RAB27A: variants seen among roughly 807,000 people sequenced by gnomAD.
RAB27A encodes the protein ras-related protein Rab-27A.
In RAB27A, 17 loss-of-function variants were observed where a neutral mutation model predicts 20.8. The observed-to-expected ratio is 0.82, with a 90% confidence interval of 0.56 to 1.23. The LOEUF is 1.23. Ranked by LOEUF, RAB27A falls within the 50% of genes most tolerant of loss-of-function variation. The pLI, the probability that RAB27A is intolerant of heterozygous loss-of-function variation, is 0.00. For synonymous variants in RAB27A, 85 were observed against 92.8 expected (o/e 0.92, Z 0.48); for missense variants, 277 against 266.7 (o/e 1.04, Z -0.27).
intron 2 of RAB27A, among the ~76,000 whole-genome samples, chr15:55,301,632 T>C (rs1242970648): frequency 6.9e-6 from 1 of 145,102 alleles, no homozygotes; most frequent in Non-Finnish European, 1.5e-5. Flanking sequence ...AACATTTTCA[T>C]CACCCTAAAA....
Position 55,223,928 on chromosome 15 carries a change from A to G in RAB27A, c.428T>C (p.Val143Ala), listed in dbSNP as rs2140958498. 2 of 1,613,854 alleles carry G rather than the reference A, an allele frequency of 1.2e-6. No homozygotes were observed. Among genetic ancestry groups the G allele is most frequent in the Middle Eastern group, 1.6e-4 (1 of 6,062 alleles). ...NKSDLEDQRV[V>A]KEEEAIALAE... The stretch of plus-strand genomic sequence containing the variant: ...GAGTGCTATGGCTTCCTCCTCTTTC[A>G]CTACTCTCTGGTCCTCCAGATCACT... The change falls in exon 6 of 7, where the codon GTG (valine) becomes GCG (alanine). Residue 143 changes from valine (V) to alanine (A), a missense_variant. Coordinates refer to ENST00000336787, the MANE Select transcript of RAB27A (RefSeq NM_183235.3).
At chr15:55,277,839 T>A (rs1303367318) in intron 1 of RAB27A, among the ~76,000 whole-genome samples, 2 of 152,196 alleles carry the variant, frequency 1.3e-5, no homozygotes, top group Non-Finnish European at 2.9e-5. Flanking sequence ...ACCATCCCAG[T>A]TTAGTGGGGA....
Position 55,205,309 on chromosome 15 carries a change from A to T in RAB27A, c.*198T>A. On this transcript the variant is annotated 3_prime_UTR_variant, in exon 7 of 7. Coordinates refer to ENST00000336787, the MANE Select transcript of RAB27A (RefSeq NM_183235.3). ...CTCTGAAATATTTCTCCTAACTCTC[A>T]GGCTGAATCTTAAAGAAATATTTAC... 1 of 637,510 alleles carries T rather than the reference A, an allele frequency of 1.6e-6. No homozygotes were observed. The highest frequency in any genetic ancestry group is 2.7e-6 in the Non-Finnish European group (1 of 364,532). 39.5% of individuals were successfully genotyped at this position (637,510 alleles called of 1,614,324 possible). A position where few individuals can be genotyped will look rare whatever the true frequency, so the allele number is the denominator to read the frequency against.
intron 2 of RAB27A, among the ~76,000 whole-genome samples, chr15:55,310,931 A>G (rs1296338024): frequency 6.6e-6 from 1 of 152,206 alleles, no homozygotes; most frequent in African/African-American, 2.4e-5. Flanking sequence ...CCTGTGTTAC[A>G]GTGGACATCA....
At chr15:55,292,464 G>A (rs1381725324), upstream of RAB27A, among the ~76,000 whole-genome samples, 2 of 152,212 alleles carry the variant, frequency 1.3e-5, no homozygotes, top group East Asian at 1.9e-4. Flanking sequence ...GGATAATAGC[G>A]ATCTGATTAC....
chr15:55,287,624 G>A (rs532738407), intron 1 of RAB27A, among the ~76,000 whole-genome samples: 12 of 152,124 alleles, frequency 7.9e-5, no homozygotes, highest in South Asian at 2.1e-4. Context: ...GCACATGCCC[G>A]TAATCCCAGC....
At chr15:55,220,053 T>G (rs917248943) in intron 6 of RAB27A, among the ~76,000 whole-genome samples, 2 of 152,180 alleles carry the variant, frequency 1.3e-5, no homozygotes, top group African/African-American at 4.8e-5. Flanking sequence ...AATTTGCCCT[T>G]TACATTTTTG....
chr15:55,304,907 A>G (rs1371200782), intron 2 of RAB27A, among the ~76,000 whole-genome samples: 1 of 152,128 alleles, frequency 6.6e-6, no homozygotes, highest in African/African-American at 2.4e-5. Flanking sequence ...TCATAGAGTG[A>G]AAACGGAGCT....
chr15:55,240,664 T>C (rs1385441531), intron 2 of RAB27A, among the ~76,000 whole-genome samples: 1 of 152,196 alleles, frequency 6.6e-6, no homozygotes, highest in Non-Finnish European at 1.5e-5. Context: ...CCACCTGTAT[T>C]TGAGTCCAGT....
chr15:55,239,435 T>A (rs1896393158), intron 2 of RAB27A, among the ~76,000 whole-genome samples: 1 of 152,190 alleles, frequency 6.6e-6, no homozygotes. Context: ...ATTACCTCAT[T>A]TGTAGATATT....
At chr15:55,313,000 G>C (rs761045701) in intron 2 of RAB27A, among the ~76,000 whole-genome samples, 1 of 152,080 alleles carries the variant, frequency 6.6e-6, no homozygotes, top group Non-Finnish European at 1.5e-5. Flanking sequence ...CTTGAGCCCC[G>C]GTCCCAGAAT....
In RAB27A at chr15:55,217,222, A is replaced by C. The variant is rs143904117; in HGVS notation, c.467+6667T>G. ...CAGAGTTTTCTGAGCAATTTGAGGC[A>C]GTAAGATTTTCATTTCTACAGGAAT... On this transcript the variant is annotated intron_variant, in intron 6 of 6. Transcript: ENST00000336787. Among the ~76,000 whole-genome samples, 6 of 152,322 alleles carry C rather than the reference A, an allele frequency of 3.9e-5. No homozygotes were observed. In the East Asian group the frequency reaches 1.2e-3, roughly 29 times the overall value.
chr15:55,268,859 A>T (rs919325952), intron 2 of RAB27A, among the ~76,000 whole-genome samples: 3 of 152,186 alleles, frequency 2.0e-5, no homozygotes, highest in Non-Finnish European at 4.4e-5. Context: ...CCAGTACCTC[A>T]GAATACAATG....
chr15:55,288,771 A>G (rs1183530227), intron 1 of RAB27A: 1 of 152,192 alleles, frequency 6.6e-6, no homozygotes, highest in African/African-American at 2.4e-5. Flanking sequence ...CCATCTGCAG[A>G]AACTGTTTTC....
chr15:55,296,380 C>T (rs1299419002), intron 2 of RAB27A, among the ~76,000 whole-genome samples: 6 of 151,960 alleles, frequency 3.9e-5, no homozygotes, highest in Non-Finnish European at 7.4e-5. Context: ...CCTGTGGTCC[C>T]AGCTACTCGG....
intron 2 of RAB27A, among the ~76,000 whole-genome samples, chr15:55,267,741 G>A (rs1255648912): frequency 6.6e-6 from 1 of 152,188 alleles, no homozygotes; most frequent in Non-Finnish European, 1.5e-5. Flanking sequence ...TAATCCTACT[G>A]AGGAAAAACA....
At chr15:55,223,810 T>C (rs1895684901) in intron 6 of RAB27A, 79 bp downstream of exon 6, 10 of 1,562,036 alleles carry the variant, frequency 6.4e-6, no homozygotes, top group East Asian at 2.3e-5. Flanking sequence ...TTGTCCACTT[T>C]TATCTTTTTC....
chr15:55,214,898 T>A (rs1040458956), intron 6 of RAB27A, among the ~76,000 whole-genome samples: 8 of 152,228 alleles, frequency 5.3e-5, no homozygotes, highest in African/African-American at 1.9e-4. Flanking sequence ...ATGAGATTTT[T>A]CAAAATGTAA....
chr15:55,219,567 G>T (rs1253494969), intron 6 of RAB27A, among the ~76,000 whole-genome samples: 1 of 152,142 alleles, frequency 6.6e-6, no homozygotes, highest in Non-Finnish European at 1.5e-5. Flanking sequence ...AGAAACTGCG[G>T]GACCCAGTGT....
Sources: allele counts gnomAD v4.1 joint callset (sites outside exome capture counted in the v4.1 genomes callset), GRCh38; gene constraint gnomAD v4.1.1; transcripts MANE v1.5; gene names NCBI Gene and HGNC (gene_info 2026-07-23, HGNC 2026-07-21).